Variants in RNF14 observed in about 807,000 individuals in gnomAD.
RNF14 encodes E3 ubiquitin-protein ligase RNF14.
In RNF14, 26 loss-of-function variants were observed where a neutral mutation model predicts 52.6. The ratio of observed to expected loss-of-function variants is 0.49; its 90% CI spans 0.36 to 0.69. The LOEUF (loss-of-function observed/expected upper bound fraction) is 0.69, where lower values mean the gene tolerates loss of function less well. Ranked by LOEUF, RNF14 falls within the 30% of genes least tolerant of loss-of-function variation. The probability of loss-of-function intolerance (pLI) is 0.00; values close to 1 mark genes in which losing one functional copy is unlikely to be tolerated. For missense variants in RNF14, 404 were observed against 560.4 expected, an observed-to-expected ratio of 0.72 and a Z score of 2.82; for synonymous variants, 194 against 202.0, an observed-to-expected ratio of 0.96 and a Z score of 0.34.
At chr5:141,967,424 G>A (rs192879394), upstream of RNF14, among the ~76,000 whole-genome samples, 324 of 152,288 alleles carry the variant, frequency 2.1e-3, no homozygotes, top group Admixed American at 5.7e-3. Context: ...CTCATCACTC[G>A]AGTAGTATAC....
intron 5 of RNF14, 24 bp from the exon 6 acceptor site, chr5:141,980,099 A>G (rs369968420): frequency 2.4e-5 from 38 of 1,589,248 alleles, no homozygotes; most frequent in African/African-American, 4.0e-5. Context: ...CATCAAACCT[A>G]TGGTGTTTTG....
In RNF14 at chr5:141,986,405, AAATGG is replaced by A. The variant is rs1755236058; in HGVS notation, c.1368-1326_1368-1322del. Among the ~76,000 whole-genome samples the A allele has an allele frequency of 3.3e-5, 5 of 152,372 alleles. No homozygotes were observed. In the South Asian group the frequency reaches 1.0e-3, roughly 32 times the overall value. ...AATTGACAGCTACAAAACATTCTACAAATGGAGGGTGCAAGGACTGTGAAGATAGA... is the reference window on the plus strand; with the variant it reads ...AATTGACAGCTACAAAACATTCTACAAGGGTGCAAGGACTGTGAAGATAGA... On this transcript the variant is annotated intron_variant, in intron 8 of 8. Coordinates refer to ENST00000394520, the MANE Select transcript of RNF14 (RefSeq NM_004290.5).
chr5:141,984,246 A>G (rs113563443), intron 7 of RNF14, among the ~76,000 whole-genome samples: 13,247 of 151,892 alleles, frequency 0.087, 653 homozygotes, highest in African/African-American at 0.12. Context: ...TACAGGCGCC[A>G]GCCACCACAC....
upstream of RNF14, chr5:141,957,775 T>G (rs774797861): frequency 6.2e-7 from 1 of 1,609,388 alleles, no homozygotes; most frequent in East Asian, 2.2e-5. The surrounding 1 kb of genome is among the most constrained non-coding windows in gnomAD (Gnocchi z 4.3). Context: ...AGTGGTCACC[T>G]CCTGACAATC....
chr5:141,980,015 T>C, intron 5 of RNF14, 108 bp from the exon 6 acceptor site: 2 of 821,848 alleles, frequency 2.4e-6, no homozygotes, highest in Non-Finnish European at 4.1e-6. Flanking sequence ...GAAAGAGAGG[T>C]TTTAATTTAT....
chr5:141,973,529 C>G, intron 2 of RNF14, 54 bp from the exon 3 acceptor site: 1 of 1,510,640 alleles, frequency 6.6e-7, no homozygotes, highest in Non-Finnish European at 9.0e-7. Flanking sequence ...TGAGCCACCA[C>G]ACCCGGCCAG....
At chr5:141,957,910 G>A, upstream of RNF14, 11 of 1,544,134 alleles carry the variant, frequency 7.1e-6, no homozygotes, top group South Asian at 1.2e-4. The surrounding 1 kb of genome is among the most constrained non-coding windows in gnomAD (Gnocchi z 4.3). Context: ...GGCTGGACAA[G>A]TCCTCCAGTG....
upstream of RNF14, chr5:141,956,015 A>T (rs773781108): frequency 3.1e-6 from 5 of 1,614,054 alleles, no homozygotes; most frequent in Non-Finnish European, 4.2e-6. Context: ...AATGGCCGGG[A>T]GCTGTGAGTG....
At chr5:141,974,978 T>C (rs1304220982) in intron 4 of RNF14, 23 bp downstream of exon 4, 2 of 1,608,328 alleles carry the variant, frequency 1.2e-6, no homozygotes, top group African/African-American at 2.7e-5. Flanking sequence ...ACTTAATTTT[T>C]CCTATCCATT....
chr5:141,967,194 G>T (rs1164609226), upstream of RNF14, among the ~76,000 whole-genome samples: 3 of 152,098 alleles, frequency 2.0e-5, no homozygotes, highest in African/African-American at 2.4e-5. Context: ...TCTCTCCTGG[G>T]TATAAGACCA....
chr5:141,960,750 A>G (rs979106837), intron 1 of RNF14, among the ~76,000 whole-genome samples: 2 of 152,234 alleles, frequency 1.3e-5, no homozygotes, highest in Non-Finnish European at 2.9e-5. Context: ...AGCGTTAGGT[A>G]ACTTGCCCAA....
intron 4 of RNF14, among the ~76,000 whole-genome samples, chr5:141,977,620 A>G (rs947546260): frequency 5.9e-5 from 9 of 152,230 alleles, no homozygotes; most frequent in African/African-American, 1.4e-4. Context: ...AGCTTTCTCT[A>G]TGGCTGCCAA....
Position 141,983,555 on chromosome 5 carries a change from A to G in RNF14, c.1236+3A>G. ...CATGTTGTGGAACTCCCATAGAGGT[A>G]AATGTTTTGGGACAGACTTGGAGGC... On this transcript the variant is annotated splice_donor_region_variant and intron_variant, in intron 7 of 8. Coordinates refer to ENST00000394520, the MANE Select transcript of RNF14 (RefSeq NM_004290.5). 6.2e-7 allele frequency: 1 copy of G among 1,606,774 alleles called. No homozygotes were observed. Among genetic ancestry groups the G allele is most frequent in the Non-Finnish European group, 8.5e-7 (1 of 1,178,280 alleles).
chr5:141,975,779 G>A (rs1308723530), intron 4 of RNF14, among the ~76,000 whole-genome samples: 1 of 152,082 alleles, frequency 6.6e-6, no homozygotes, highest in Non-Finnish European at 1.5e-5. Flanking sequence ...ACAAAAATTA[G>A]CCAAGTGTGG....
chr5:141,958,004 A>G (rs2126931786), upstream of RNF14: 4 of 838,400 alleles, frequency 4.8e-6, no homozygotes, highest in East Asian at 1.1e-4. Context: ...TGATTATGAA[A>G]CAAGCAGGAC....
intron 4 of RNF14, among the ~76,000 whole-genome samples, chr5:141,977,193 G>A (rs192256997): frequency 1.3e-5 from 2 of 152,306 alleles, no homozygotes; most frequent in East Asian, 3.9e-4. Context: ...TTCCCTTTTA[G>A]TATTTATCAC....
chr5:141,958,088 C>A (rs1005224186), upstream of RNF14: 14 of 546,854 alleles, frequency 2.6e-5, no homozygotes, highest in African/African-American at 2.6e-4. Flanking sequence ...CAGGGGAGAC[C>A]CCCTACTGGG....
chr5:141,965,279 C>T (rs982555226), upstream of RNF14, among the ~76,000 whole-genome samples: 5 of 152,038 alleles, frequency 3.3e-5, no homozygotes, highest in Admixed American at 2.6e-4. Context: ...CAGGCACCGT[C>T]AGGTCTGCTA....
rs1180383280 is a variant in RNF14, at chr5:141,989,492, G to A, written c.*1702G>A. 1 of 152,228 alleles carries A rather than the reference G, an allele frequency of 6.6e-6. No individual in the cohort carries two copies. Among genetic ancestry groups the A allele is most frequent in the East Asian group, 1.9e-4 (1 of 5,194 alleles). 9.4% of individuals were successfully genotyped at this position (152,228 alleles called of 1,614,324 possible). ...GCGGATCACGAGGTCAGGAGTTCGA[G>A]ACCATCATGGCTAACACGGTGAAAC... On this transcript the variant is annotated 3_prime_UTR_variant, in exon 9 of 9. Transcript: ENST00000394520.
Sources: allele counts gnomAD v4.1 joint callset (sites outside exome capture counted in the v4.1 genomes callset), GRCh38; gene constraint gnomAD v4.1.1; non-coding constraint Gnocchi (gnomAD v3.1); transcripts MANE v1.5; gene names NCBI Gene and HGNC (gene_info 2026-07-23, HGNC 2026-07-21).